PROM1: variants seen among roughly 807,000 people sequenced by gnomAD.
PROM1 encodes the protein prominin-1.
PROM1 carries 105 observed loss-of-function variants against 116.9 expected under a neutral mutation model. The ratio of observed to expected loss-of-function variants is 0.90; its 90% CI spans 0.77 to 1.06. PROM1 has a LOEUF of 1.06. Among genes scored for constraint, PROM1 ranks in the 50% least tolerant of loss-of-function variants. The pLI, the probability that PROM1 is intolerant of heterozygous loss-of-function variation, is 0.00. For missense variants in PROM1, 1,122 were observed against 1,045.2 expected, an observed-to-expected ratio of 1.07 and a Z score of -1.01; for synonymous variants, 393 against 387.0, an observed-to-expected ratio of 1.02 and a Z score of -0.18.
chr4:15,990,734 T>C (rs1264478445), intron 18 of PROM1, among the ~76,000 whole-genome samples: 2 of 152,108 alleles, frequency 1.3e-5, no homozygotes, highest in Non-Finnish European at 2.9e-5. Flanking sequence ...CCTCTCCCTG[T>C]CCATCACCAT....
At chr4:15,974,406 C>T (rs544313984) in intron 26 of PROM1, among the ~76,000 whole-genome samples, 37 of 151,886 alleles carry the variant, frequency 2.4e-4, no homozygotes, top group African/African-American at 6.1e-4. Context: ...TTACAGTGTG[C>T]GTGTGTGTGT....
At chr4:15,995,494 C>T (rs1326150857) in intron 15 of PROM1, among the ~76,000 whole-genome samples, 1 of 152,168 alleles carries the variant, frequency 6.6e-6, no homozygotes, top group Non-Finnish European at 1.5e-5. Flanking sequence ...TAAGTTCATT[C>T]TGAGTGTTGT....
chr4:16,006,463 T>C, intron 13 of PROM1, 75 bp downstream of exon 13: 3 of 1,467,562 alleles, frequency 2.0e-6, no homozygotes, highest in Non-Finnish European at 1.8e-6. Flanking sequence ...GCCGGGTTCA[T>C]GTAACACCAG....
intron 2 of PROM1, among the ~76,000 whole-genome samples, chr4:16,064,170 A>G (rs1740986458): frequency 6.6e-6 from 1 of 152,232 alleles, no homozygotes; most frequent in Non-Finnish European, 1.5e-5. Context: ...CACATAGGAA[A>G]AATCTTCATA....
chr4:16,041,027 C>T (rs1194649720), intron 2 of PROM1, among the ~76,000 whole-genome samples: 1 of 152,240 alleles, frequency 6.6e-6, no homozygotes, highest in Non-Finnish European at 1.5e-5. Flanking sequence ...GGTAGATCCT[C>T]ACGGGTCTGA....
intron 10 of PROM1, among the ~76,000 whole-genome samples, chr4:16,015,364 A>AG (rs1173193477): frequency 5.4e-5 from 8 of 148,890 alleles, no homozygotes; most frequent in African/African-American, 1.5e-4. Context: ...AAAAAAAAAA[A>AG]AAGAAGAAGA....
intron 13 of PROM1, among the ~76,000 whole-genome samples, chr4:16,004,702 G>T (rs1416957650): frequency 6.6e-6 from 1 of 152,068 alleles, no homozygotes; most frequent in Non-Finnish European, 1.5e-5. Flanking sequence ...ATGTATTTTT[G>T]TGTATCTGTG....
At chr4:15,974,405 G>C (rs1237440501) in intron 26 of PROM1, among the ~76,000 whole-genome samples, 1 of 152,172 alleles carries the variant, frequency 6.6e-6, no homozygotes, top group Non-Finnish European at 1.5e-5. Context: ...ATTACAGTGT[G>C]CGTGTGTGTG....
chr4:16,021,123 TAG>T (rs1237773671), intron 8 of PROM1, among the ~76,000 whole-genome samples: 3 of 133,218 alleles, frequency 2.3e-5, no homozygotes, highest in Admixed American at 7.6e-5. Flanking sequence ...AATGCTGGAG[TAG>T]TTTATTAAGC....
rs200809630 is a variant in PROM1, at chr4:16,018,430, G to A, written c.895C>T (p.Arg299Trp). 33 of 1,613,642 alleles carry A rather than the reference G, an allele frequency of 2.0e-5. No individual in the cohort carries two copies. The highest frequency in any genetic ancestry group is 2.5e-5 in the Non-Finnish European group (30 of 1,179,856). Residue 299 changes from arginine (R) to tryptophan (W), a missense_variant, in exon 9 of 28, where the codon CGG becomes TGG. Transcript: ENST00000447510. ...SSLTSVKTSL[R>W]SSLNDPLCLV... is the part of the protein sequence containing the mutation. ...CACAGAGGGTCATTGAGAGATGACC[G>A]CAGGCTAGTTTTCACGCTGGTCAGA...
At chr4:16,074,619 C>A (rs1428245252) in intron 2 of PROM1, among the ~76,000 whole-genome samples, 3 of 152,168 alleles carry the variant, frequency 2.0e-5, no homozygotes, top group African/African-American at 7.2e-5. Context: ...TTTTGGTGAA[C>A]TGAAATTTAA....
chr4:16,056,336 C>G (rs879548277), intron 2 of PROM1, among the ~76,000 whole-genome samples: 1 of 152,020 alleles, frequency 6.6e-6, no homozygotes, highest in Non-Finnish European at 1.5e-5. Flanking sequence ...TGGGTGCTCA[C>G]AAAGGGAAGA....
At chr4:16,030,493 G>A (rs1732411540) in intron 5 of PROM1, among the ~76,000 whole-genome samples, 1 of 152,032 alleles carries the variant, frequency 6.6e-6, no homozygotes, top group African/African-American at 2.4e-5. Context: ...TTTTTAAAAA[G>A]AATTTTCTAA....
intron 1 of PROM1, among the ~76,000 whole-genome samples, chr4:16,082,946 A>G (rs1340263136): frequency 1.3e-5 from 2 of 151,748 alleles, no homozygotes; most frequent in African/African-American, 4.8e-5. Context: ...TGAGCACCCC[A>G]GTTCTCCATC....
chr4:16,047,280 C>G (rs1259254440), intron 2 of PROM1, among the ~76,000 whole-genome samples: 27 of 152,132 alleles, frequency 1.8e-4, no homozygotes, highest in Non-Finnish European at 2.9e-5. Context: ...TCTCAGCTCA[C>G]TGTAACCTCT....
intron 2 of PROM1, among the ~76,000 whole-genome samples, chr4:16,039,351 G>A (rs1218976013): frequency 6.6e-6 from 1 of 152,080 alleles, no homozygotes; most frequent in Non-Finnish European, 1.5e-5. Context: ...ATTCTTAATT[G>A]TCTGGAAACA....
intron 4 of PROM1, among the ~76,000 whole-genome samples, chr4:16,034,184 A>AC (rs112914404): frequency 6.6e-6 from 1 of 152,186 alleles, no homozygotes; most frequent in African/African-American, 2.4e-5. Flanking sequence ...AATAGAAGTT[A>AC]AAGATTCAAA....
intron 11 of PROM1, among the ~76,000 whole-genome samples, chr4:16,009,634 C>A (rs1219969024): frequency 2.0e-5 from 3 of 152,034 alleles, no homozygotes; most frequent in Non-Finnish European, 2.9e-5. Context: ...ATAATAATTT[C>A]TCCCTCTAAG....
intron 8 of PROM1, among the ~76,000 whole-genome samples, chr4:16,022,943 G>A (rs544316240): frequency 3.3e-5 from 5 of 152,216 alleles, no homozygotes; most frequent in African/African-American, 9.6e-5. Context: ...CCAGATAGAC[G>A]GTAAATATTT....
Sources: allele counts gnomAD v4.1 joint callset (sites outside exome capture counted in the v4.1 genomes callset), GRCh38; gene constraint gnomAD v4.1.1; transcripts MANE v1.5; gene names NCBI Gene and HGNC (gene_info 2026-07-23, HGNC 2026-07-21).